Variants in SPAG16 observed in about 807,000 individuals in gnomAD.
SPAG16 encodes sperm associated antigen 16.
In SPAG16, 86 loss-of-function variants were observed where a neutral mutation model predicts 80.4. The ratio of observed to expected loss-of-function variants is 1.07; its 90% CI spans 0.90 to 1.28. The LOEUF is 1.28. Ranked by LOEUF, SPAG16 falls within the 50% of genes most tolerant of loss-of-function variation. SPAG16 has a pLI of 0.00. For synonymous variants in SPAG16, 294 were observed against 265.9 expected, an observed-to-expected ratio of 1.11 and a Z score of -1.03; for missense variants, 870 against 765.3, an observed-to-expected ratio of 1.14 and a Z score of -1.61.
chr2:213,831,128 C>T (rs978794958), intron 10 of SPAG16, among the ~76,000 whole-genome samples: 3 of 149,234 alleles, frequency 2.0e-5, no homozygotes, highest in African/African-American at 7.4e-5. Context: ...CAACCTTAGC[C>T]TCCTGAGTTC....
At chr2:213,736,793 C>G (rs1294254482) in intron 10 of SPAG16, among the ~76,000 whole-genome samples, 1 of 151,644 alleles carries the variant, frequency 6.6e-6, no homozygotes, top group Non-Finnish European at 1.5e-5. Context: ...CAACCTCTGC[C>G]TCCTCGGTTC....
At chr2:213,369,408 TAAAATAAAGG>T (rs1484288643) in intron 8 of SPAG16, among the ~76,000 whole-genome samples, 1 of 152,214 alleles carries the variant, frequency 6.6e-6, no homozygotes, top group Non-Finnish European at 1.5e-5. Flanking sequence ...ATAAGGTATG[TAAAATAAAGG>T]AAAATAAATT....
intron 15 of SPAG16, among the ~76,000 whole-genome samples, chr2:214,263,308 A>C (rs1369816484): frequency 1.3e-5 from 2 of 152,112 alleles, no homozygotes; most frequent in Non-Finnish European, 2.9e-5. Flanking sequence ...TCTCCGGTGA[A>C]TTCTTAATTA....
intron 10 of SPAG16, among the ~76,000 whole-genome samples, chr2:213,830,746 C>T (rs1346621562): frequency 6.6e-6 from 1 of 152,114 alleles, no homozygotes; most frequent in Non-Finnish European, 1.5e-5. Flanking sequence ...CTCCCTGAAT[C>T]TCATTTACTT....
chr2:214,118,729 C>T (rs1375682174), intron 14 of SPAG16, among the ~76,000 whole-genome samples: 1 of 150,684 alleles, frequency 6.6e-6, no homozygotes, highest in Non-Finnish European at 1.5e-5. Flanking sequence ...AACTACAATT[C>T]AAGAGGAAAT....
At chr2:213,805,865 C>T (rs184724774) in intron 10 of SPAG16, among the ~76,000 whole-genome samples, 1 of 152,114 alleles carries the variant, frequency 6.6e-6, no homozygotes, top group Non-Finnish European at 1.5e-5. Flanking sequence ...TGTTATAATG[C>T]CTAAGGCATG....
At position 214,154,512 on chromosome 2, in the gene SPAG16, T is replaced by A. The variant is rs573546893; in HGVS notation, c.1720+5246T>A. 6.9e-3 allele frequency among the ~76,000 whole-genome samples: 785 copies of A among 113,116 alleles called. 6 individuals are homozygous for A. Among genetic ancestry groups the A allele is most frequent in the African/African-American group, 0.024 (735 of 30,462 alleles). 74.2% of individuals were successfully genotyped at this position (113,116 alleles called of 152,430 possible). On this transcript the variant is annotated intron_variant, in intron 15 of 15. Coordinates refer to ENST00000331683, the MANE Select transcript of SPAG16 (RefSeq NM_024532.5). ...AAAAGTATCAGACCCCCCCCCCCCA[T>A]TTTTTCATAACCTAACAAGATAACT...
intron 10 of SPAG16, among the ~76,000 whole-genome samples, chr2:213,645,779 C>A (rs562598588): frequency 1.6e-3 from 237 of 152,140 alleles, no homozygotes; most frequent in African/African-American, 5.4e-3. Context: ...GTCACGTGGC[C>A]CCCCCAGTCA....
At chr2:214,001,140 TAGAAG>T (rs2124875843) in intron 12 of SPAG16, among the ~76,000 whole-genome samples, 1 of 152,348 alleles carries the variant, frequency 6.6e-6, no homozygotes, top group Admixed American at 6.5e-5. Context: ...TAAAATATTT[TAGAAG>T]AGGTTTTTGA....
At chr2:213,497,323 G>T (rs996246817) in intron 10 of SPAG16, among the ~76,000 whole-genome samples, 2 of 151,794 alleles carry the variant, frequency 1.3e-5, no homozygotes, top group Non-Finnish European at 2.9e-5. Context: ...TTCAATTTTC[G>T]ATTTATTTCA....
intron 9 of SPAG16, among the ~76,000 whole-genome samples, chr2:213,459,224 T>C (rs2072219125): frequency 6.6e-6 from 1 of 152,222 alleles, no homozygotes; most frequent in Non-Finnish European, 1.5e-5. Flanking sequence ...GTTTCTAATG[T>C]CCATCATTTC....
chr2:214,258,487 A>ATATATATATATG (rs1559161026), intron 15 of SPAG16, among the ~76,000 whole-genome samples: 1 of 147,136 alleles, frequency 6.8e-6, no homozygotes, highest in African/African-American at 2.6e-5. Context: ...ATATATATAT[A>ATATATATATATG]TATACACACA....
intron 14 of SPAG16, among the ~76,000 whole-genome samples, chr2:214,108,826 C>T (rs2053527466): frequency 6.6e-6 from 1 of 152,276 alleles, no homozygotes; most frequent in Admixed American, 6.5e-5. Context: ...TTATCTGCCA[C>T]TTGAGGTATT....
intron 10 of SPAG16, among the ~76,000 whole-genome samples, chr2:213,492,011 A>C (rs1192704577): frequency 6.6e-6 from 1 of 152,190 alleles, no homozygotes; most frequent in Non-Finnish European, 1.5e-5. Flanking sequence ...ACTTACTTAC[A>C]TGGGACACTT....
At chr2:213,537,059 A>T (rs1183917771) in intron 10 of SPAG16, among the ~76,000 whole-genome samples, 1 of 151,486 alleles carries the variant, frequency 6.6e-6, no homozygotes, top group African/African-American at 2.4e-5. Flanking sequence ...AACTATCGCA[A>T]CAACAAAAAA....
chr2:214,158,553 A>G (rs969432017), intron 15 of SPAG16, among the ~76,000 whole-genome samples: 1 of 152,030 alleles, frequency 6.6e-6, no homozygotes, highest in South Asian at 2.1e-4. Context: ...TTCTTACAGG[A>G]CTATATAAGA....
chr2:213,816,326 T>C (rs1029502790), intron 10 of SPAG16, among the ~76,000 whole-genome samples: 2 of 152,138 alleles, frequency 1.3e-5, no homozygotes, highest in African/African-American at 4.8e-5. Context: ...TTGATGACCC[T>C]ATTGATTTTG....
chr2:213,517,778 C>T (rs989423020), intron 10 of SPAG16, among the ~76,000 whole-genome samples: 1 of 152,078 alleles, frequency 6.6e-6, no homozygotes, highest in African/African-American at 2.4e-5. Context: ...TGGACCCTTA[C>T]CTTTTACCAT....
At chr2:213,983,198 A>ACAAATGT (rs1247090712) in intron 12 of SPAG16, among the ~76,000 whole-genome samples, 2 of 152,006 alleles carry the variant, frequency 1.3e-5, no homozygotes, top group Admixed American at 1.3e-4. Flanking sequence ...TTTTACAAAT[A>ACAAATGT]TATGATTGAT....
Sources: allele counts gnomAD v4.1 joint callset (sites outside exome capture counted in the v4.1 genomes callset), GRCh38; gene constraint gnomAD v4.1.1; transcripts MANE v1.5; gene names NCBI Gene and HGNC (gene_info 2026-07-23, HGNC 2026-07-21).